The following CNTN5 variants were observed in gnomAD, a reference collection of about 807,000 sequenced individuals.
CNTN5 encodes contactin-5.
A neutral mutation model predicts 129.1 loss-of-function variants in CNTN5; 77 were observed. That is an observed-to-expected ratio of 0.60 (90% CI 0.50 to 0.72). The LOEUF is 0.72. Among genes scored for constraint, CNTN5 ranks in the 30% least tolerant of loss-of-function variants. The pLI is 0.00. For missense variants in CNTN5, 1,478 were observed against 1,328.8 expected (o/e 1.11, Z -1.75); for synonymous variants, 509 against 465.6 (o/e 1.09, Z -1.20).
chr11:99,822,670 T>C (rs577394970), intron 4 of CNTN5, among the ~76,000 whole-genome samples: 6 of 152,172 alleles, frequency 3.9e-5, no homozygotes, highest in Non-Finnish European at 8.8e-5. Flanking sequence ...TATCTCAACT[T>C]ACTGATACTT....
chr11:99,908,044 T>A (rs1285879094), intron 6 of CNTN5, among the ~76,000 whole-genome samples: 2 of 152,014 alleles, frequency 1.3e-5, no homozygotes, highest in Non-Finnish European at 2.9e-5. Flanking sequence ...ATCATGAAGT[T>A]TTTAGCATCT....
chr11:100,184,054 C>T (rs1325409524), intron 13 of CNTN5, among the ~76,000 whole-genome samples: 1 of 152,124 alleles, frequency 6.6e-6, no homozygotes, highest in East Asian at 1.9e-4. Context: ...CCCTTCAGTT[C>T]TCAGCTCAAA....
chr11:99,335,250 A>C (rs1335471664), intron 2 of CNTN5, among the ~76,000 whole-genome samples: 2 of 152,022 alleles, frequency 1.3e-5, no homozygotes, highest in African/African-American at 4.8e-5. Flanking sequence ...GGAGTTTCAA[A>C]CCTCTGCAAT....
chr11:100,284,941 A>C (rs1950736483), intron 18 of CNTN5, among the ~76,000 whole-genome samples: 2 of 152,216 alleles, frequency 1.3e-5, no homozygotes, highest in Admixed American at 6.5e-5. Context: ...CTACTGTGCC[A>C]CTTAATAGCA....
At chr11:99,911,614 C>T (rs898664905) in intron 6 of CNTN5, among the ~76,000 whole-genome samples, 23 of 151,746 alleles carry the variant, frequency 1.5e-4, no homozygotes, top group Admixed American at 4.6e-4. Context: ...GTTTCAGGTA[C>T]TCTATTTCCC....
intron 3 of CNTN5, among the ~76,000 whole-genome samples, chr11:99,669,914 T>A (rs977824940): frequency 4.6e-5 from 7 of 152,180 alleles, no homozygotes; most frequent in Non-Finnish European, 1.0e-4. Context: ...CAAAATCCAA[T>A]GAGGGTTTTG....
chr11:99,295,882 CAAAAA>C (rs34180493), intron 1 of CNTN5, among the ~76,000 whole-genome samples: 1 of 51,022 alleles, frequency 2.0e-5, no homozygotes. Flanking sequence ...GACTCCGTCT[CAAAAA>C]AAAAAAAAAA....
At chr11:99,888,390 G>A (rs907480987) in intron 6 of CNTN5, among the ~76,000 whole-genome samples, 2 of 152,144 alleles carry the variant, frequency 1.3e-5, no homozygotes, top group African/African-American at 2.4e-5. Context: ...ACTTGACAAA[G>A]TTGAAATGTT....
intron 1 of CNTN5, among the ~76,000 whole-genome samples, chr11:99,078,202 T>A (rs1481339597): frequency 3.9e-5 from 6 of 152,222 alleles, no homozygotes; most frequent in Non-Finnish European, 8.8e-5. Flanking sequence ...TATTCACGGA[T>A]AATATTTTTT....
At chr11:100,018,209 C>T (rs12288040) in intron 9 of CNTN5, among the ~76,000 whole-genome samples, 15,593 of 151,812 alleles carry the variant, frequency 0.1, 895 homozygotes, top group Middle Eastern at 0.24. Context: ...TTTTAACATA[C>T]GTATTTTTAC....
intron 9 of CNTN5, 85 bp from the exon 10 acceptor site, chr11:100,061,127 A>G: frequency 1.8e-6 from 2 of 1,116,044 alleles, no homozygotes; most frequent in South Asian, 1.9e-5. Context: ...CACTCAGCCT[A>G]TTAAGTGCTT....
intron 3 of CNTN5, among the ~76,000 whole-genome samples, chr11:99,677,836 T>G (rs1438189178): frequency 1.3e-5 from 2 of 152,118 alleles, no homozygotes; most frequent in East Asian, 3.8e-4. Context: ...AAAAATCCAT[T>G]TATCATCAAC....
chr11:99,036,022 A>T (rs1863708705), intron 1 of CNTN5, among the ~76,000 whole-genome samples: 2 of 151,152 alleles, frequency 1.3e-5, no homozygotes, highest in African/African-American at 2.4e-5. Flanking sequence ...TTTCTCCTTC[A>T]CTTATGAAGC....
intron 1 of CNTN5, among the ~76,000 whole-genome samples, chr11:99,131,256 A>AAAAAAAAAAG (rs1555053457): frequency 6.7e-6 from 1 of 148,178 alleles, no homozygotes; most frequent in African/African-American, 2.5e-5. Context: ...TCAGAAAAAA[A>AAAAAAAAAAG]AAAAAAAAGA....
At chr11:99,550,346 C>T (rs923538123) in intron 2 of CNTN5, among the ~76,000 whole-genome samples, 4 of 152,166 alleles carry the variant, frequency 2.6e-5, no homozygotes, top group African/African-American at 9.6e-5. Context: ...CCTGCTATAA[C>T]TTTGGCCACA....
chr11:99,174,946 G>T (rs899268684), intron 1 of CNTN5, among the ~76,000 whole-genome samples: 4 of 151,920 alleles, frequency 2.6e-5, no homozygotes, highest in African/African-American at 9.7e-5. Context: ...AAATCTTAGG[G>T]TTTAAGGCCA....
intron 3 of CNTN5, among the ~76,000 whole-genome samples, chr11:99,703,732 G>C (rs1954630737): frequency 6.6e-6 from 1 of 150,864 alleles, no homozygotes; most frequent in Admixed American, 6.6e-5. Flanking sequence ...ATATTGATAA[G>C]ATTTCAACAT....
intron 21 of CNTN5, chr11:100,308,919 TA>T: frequency 1.0e-6 from 1 of 983,900 alleles, no homozygotes; most frequent in Non-Finnish European, 1.2e-6. Context: ...TGTATTCAGA[TA>T]GTTTTTTTGG....
intron 1 of CNTN5, among the ~76,000 whole-genome samples, chr11:99,056,693 T>A (rs187248476): frequency 2.6e-5 from 4 of 152,132 alleles, no homozygotes; most frequent in African/African-American, 9.6e-5. Flanking sequence ...GACTTCAAGC[T>A]GAAGTTCAAC....
Sources: allele counts gnomAD v4.1 joint callset (sites outside exome capture counted in the v4.1 genomes callset), GRCh38; gene constraint gnomAD v4.1.1; transcripts MANE v1.5; gene names NCBI Gene and HGNC (gene_info 2026-07-23, HGNC 2026-07-21).